SKIL: variants seen among roughly 807,000 people sequenced by gnomAD.
SKIL encodes the protein ski-like protein.
Under a neutral mutation model 69.6 loss-of-function variants are expected in SKIL, and 20 were observed. The observed-to-expected ratio is 0.29, with a 90% CI of 0.20 to 0.42. The LOEUF (loss-of-function observed/expected upper bound fraction) is 0.42, where lower values mean the gene tolerates loss of function less well. Among genes scored for constraint, SKIL ranks in the 10% least tolerant of loss-of-function variants. The pLI is 1.00. For synonymous variants in SKIL, 310 were observed against 279.9 expected, an observed-to-expected ratio of 1.11 and a Z score of -1.08; for missense variants, 745 against 783.1, an observed-to-expected ratio of 0.95 and a Z score of 0.58.
chr3:170,366,877 G>T (rs1262595589), intron 2 of SKIL, among the ~76,000 whole-genome samples: 1 of 151,820 alleles, frequency 6.6e-6, no homozygotes, highest in Non-Finnish European at 1.5e-5. Context: ...CATCTTCAGT[G>T]GATATTCAGC....
At chr3:170,364,537 G>A (rs1305294846) in intron 2 of SKIL, among the ~76,000 whole-genome samples, 3 of 150,736 alleles carry the variant, frequency 2.0e-5, no homozygotes, top group African/African-American at 7.3e-5. Flanking sequence ...CTAGCCGGCT[G>A]GTCTTAACTC....
chr3:170,375,234 G>T (rs1158017167), intron 2 of SKIL, among the ~76,000 whole-genome samples: 1 of 152,172 alleles, frequency 6.6e-6, no homozygotes, highest in Non-Finnish European at 1.5e-5. Context: ...GACTCTTACT[G>T]GGTTGGTCAA....
rs1736156048 is a variant in SKIL, at chr3:170,360,254, A to G, written c.-78A>G. On this transcript the variant is annotated 5_prime_UTR_variant, in exon 2 of 7. Transcript: ENST00000259119. ...TTACGATAGGCATTTGTATCCATTC[A>G]TTACTTTCCTCTTTTCAAATAAGCA... 2 of 1,343,110 alleles carry G rather than the reference A, an allele frequency of 1.5e-6. No individual in the cohort carries two copies. The highest frequency in any genetic ancestry group is 2.9e-5 in the African/African-American group (2 of 68,686). 83.2% of individuals were successfully genotyped at this position (1,343,110 alleles called of 1,614,324 possible). A position where few individuals can be genotyped will look rare whatever the true frequency, so the allele number is the denominator to read the frequency against.
rs774310283 is a variant in SKIL, at chr3:170,391,206, A to T, written c.1842A>T (p.Lys614Asn). 5 of 1,613,206 alleles carry T rather than the reference A, an allele frequency of 3.1e-6. No homozygotes were observed. Among genetic ancestry groups the T allele is most frequent in the Non-Finnish European group, 4.2e-6 (5 of 1,179,344 alleles). Residue 614 changes from lysine to asparagine, a missense_variant, in exon 6 of 7, where the codon AAA (lysine) becomes AAT (asparagine). Lys to Asn is a moderately conservative substitution (Grantham distance 94, BLOSUM62 0). Coordinates refer to ENST00000259119, the MANE Select transcript of SKIL (RefSeq NM_005414.5). Reference sequence around the variant, plus strand: ...AATTGGAGCAGATAATGAAGCAAAAATGTACCTGTGACTCAAATTTAGAAA... The same window carrying T: ...AATTGGAGCAGATAATGAAGCAAAATTGTACCTGTGACTCAAATTTAGAAA... ...EKKLEQIMKQKCTCDSNLEKD... is the reference protein window; with the variant it reads ...EKKLEQIMKQNCTCDSNLEKD...
rs140631602 is a variant in SKIL at position 170,358,458 on chromosome 3, C to T, written c.-634+695C>T. 9.3e-3 allele frequency: 1,418 copies of T among 152,624 alleles called. 13 individuals are homozygous for T. Among genetic ancestry groups the T allele is most frequent in the Admixed American group, 0.016 (244 of 15,296 alleles). 9.5% of individuals were successfully genotyped at this position (152,624 alleles called of 1,614,324 possible). On this transcript the variant is annotated intron_variant, in intron 1 of 6. Transcript: ENST00000259119. Reference sequence around the variant, plus strand: ...CCGTGTCCCTTGTTCTCCCTCTCTCCGGGTTAGAGATAGGTGGGTGGCTTT... The same window carrying T: ...CCGTGTCCCTTGTTCTCCCTCTCTCTGGGTTAGAGATAGGTGGGTGGCTTT...
rs538055159 is a variant in SKIL at position 170,376,010 on chromosome 3, A to G, written c.1099-5234A>G. Reference sequence around the variant, plus strand: ...GTTTTTTAACAAATGATGTCTAGAAAAGAAATTCTCATTTAATTCAAGCTG... The same window carrying G: ...GTTTTTTAACAAATGATGTCTAGAAGAGAAATTCTCATTTAATTCAAGCTG... On this transcript the variant is annotated intron_variant, in intron 2 of 6. Transcript: ENST00000259119. 2.6e-5 allele frequency among the ~76,000 whole-genome samples: 4 copies of G among 151,874 alleles called. No homozygotes were observed. The South Asian group carries it at 8.3e-4, about 31-fold the overall frequency.
rs935870857 is a variant in SKIL at position 170,392,291 on chromosome 3, T to C, written c.1929T>C (p.Ala643=). The C allele has an allele frequency of 1.9e-6, 3 of 1,612,868 alleles. No individual in the cohort carries two copies. Among genetic ancestry groups the C allele is most frequent in the Non-Finnish European group, 1.7e-6 (2 of 1,179,308 alleles). Residue 643 remains alanine (A), a synonymous_variant, in exon 7 of 7, where the codon GCT becomes GCC. Coordinates refer to ENST00000259119, the MANE Select transcript of SKIL (RefSeq NM_005414.5). The stretch of plus-strand genomic sequence containing the variant: ...AACTGAGGCAGAGATTGGACCATGC[T>C]GAGGCCGATAGGCAAGAACTCCAAG... ...LAELRQRLDH[A]EADRQELQDE...
rs572246941 is a variant in SKIL at position 170,363,873 on chromosome 3, G to A, written c.1098+2444G>A. ...TTGGACTTGTCCCGTGCTGAAGTTT[G>A]TGCTCAGAGATTATATTTCAAAATG... is the stretch of plus-strand genomic sequence containing the variant. On this transcript the variant is annotated intron_variant, in intron 2 of 6. Coordinates refer to ENST00000259119, the MANE Select transcript of SKIL (RefSeq NM_005414.5). Among the ~76,000 whole-genome samples, 3 of 152,270 alleles carry A rather than the reference G, an allele frequency of 2.0e-5. No individual in the cohort carries two copies. The East Asian group carries it at 5.8e-4, about 29-fold the overall frequency.
chr3:170,392,977 C>T lies in SKIL; in HGVS notation c.*560C>T, dbSNP rs138824953. The T allele has an allele frequency of 1.3e-5, 2 of 152,044 alleles. No individual in the cohort carries two copies. Among genetic ancestry groups the T allele is most frequent in the East Asian group, 3.9e-4 (2 of 5,176 alleles). 9.4% of individuals were successfully genotyped at this position (152,044 alleles called of 1,614,324 possible). ...CAGTTCTCTTCTTTTTAATGTGTACCCTAGGAGGAATTTTACTGAGGTTAT... is the reference window on the plus strand; with the variant it reads ...CAGTTCTCTTCTTTTTAATGTGTACTCTAGGAGGAATTTTACTGAGGTTAT... On this transcript the variant is annotated 3_prime_UTR_variant, in exon 7 of 7. Coordinates refer to ENST00000259119, the MANE Select transcript of SKIL (RefSeq NM_005414.5).
chr3:170,364,989 A>T (rs1206482642), intron 2 of SKIL, among the ~76,000 whole-genome samples: 2 of 152,252 alleles, frequency 1.3e-5, no homozygotes, highest in African/African-American at 4.8e-5. Context: ...AGAAATTTAA[A>T]GGAATTTAAG....
chr3:170,371,761 G>T (rs929460731), intron 2 of SKIL, among the ~76,000 whole-genome samples: 1 of 152,166 alleles, frequency 6.6e-6, no homozygotes, highest in African/African-American at 2.4e-5. Flanking sequence ...TACATACAAT[G>T]GATGCCTTGG....
At chr3:170,374,578 AC>A (rs1431173197) in intron 2 of SKIL, among the ~76,000 whole-genome samples, 1 of 152,198 alleles carries the variant, frequency 6.6e-6, no homozygotes, top group Non-Finnish European at 1.5e-5. Flanking sequence ...TTACTGCTGA[AC>A]CATTTAATTA....
intron 6 of SKIL, among the ~76,000 whole-genome samples, chr3:170,391,520 CA>C (rs1737918441): frequency 6.6e-6 from 1 of 151,954 alleles, no homozygotes. Flanking sequence ...GGGGTTTCAC[CA>C]TGTTGGTCAG....
At position 170,390,492 on chromosome 3, in the gene SKIL, A is replaced by G. The variant is rs1380404651; in HGVS notation, c.1671+28A>G. 3 of 1,584,538 alleles carry G rather than the reference A, an allele frequency of 1.9e-6. No individual in the cohort carries two copies. The South Asian group carries it at 3.3e-5, about 18-fold the overall frequency. ...AAAATTGTTATCTAAATGATAGTCC[A>G]TTATGAAAAGATACTTTTGTATATT... On this transcript the variant is annotated intron_variant, in intron 5 of 6. Coordinates refer to ENST00000259119, the MANE Select transcript of SKIL (RefSeq NM_005414.5).
At position 170,396,014 on chromosome 3, in the gene SKIL, T is replaced by TG. The variant is rs1390713363; in HGVS notation, c.*3597_*3598insG. 6.6e-6 allele frequency: 1 copy of TG among 151,480 alleles called. No homozygotes were observed. The highest frequency in any genetic ancestry group is 1.5e-5 in the Non-Finnish European group (1 of 67,758). 9.4% of individuals were successfully genotyped at this position (151,480 alleles called of 1,614,324 possible). On this transcript the variant is annotated 3_prime_UTR_variant, in exon 7 of 7. Coordinates refer to ENST00000259119, the MANE Select transcript of SKIL (RefSeq NM_005414.5). Reference sequence around the variant, plus strand: ...TGCATTTCATTTAAAAGGACAGTTTTTTTTTTTTTTTTGTAAATCCATTCA... The same window carrying TG: ...TGCATTTCATTTAAAAGGACAGTTTTGTTTTTTTTTTTTGTAAATCCATTCA...
chr3:170,377,824 G>T (rs1737109763), intron 2 of SKIL, among the ~76,000 whole-genome samples: 2 of 151,594 alleles, frequency 1.3e-5, no homozygotes, highest in Admixed American at 1.3e-4. Flanking sequence ...AAAGTGCTGG[G>T]ATTACAGGTG....
intron 2 of SKIL, among the ~76,000 whole-genome samples, chr3:170,380,188 CTA>C (rs200144140): frequency 0.01 from 1,525 of 152,064 alleles, 29 homozygotes; most frequent in African/African-American, 0.035. Flanking sequence ...TGTTAGCAAA[CTA>C]TGTGGTTTTG....
At chr3:170,358,814 T>G (rs375092255) in intron 1 of SKIL, among the ~76,000 whole-genome samples, 27 of 152,354 alleles carry the variant, frequency 1.8e-4, no homozygotes, top group East Asian at 1.5e-3. Flanking sequence ...TTAGTCTTGT[T>G]GAAGGATGGA....
chr3:170,387,827 G>A (rs1282353668), intron 4 of SKIL, among the ~76,000 whole-genome samples: 7 of 141,310 alleles, frequency 5.0e-5, no homozygotes, highest in Non-Finnish European at 3.1e-5. Context: ...CCAGCTACTT[G>A]GGAGGCTGAG....
Sources: allele counts gnomAD v4.1 joint callset (sites outside exome capture counted in the v4.1 genomes callset), GRCh38; gene constraint gnomAD v4.1.1; transcripts MANE v1.5; gene names NCBI Gene and HGNC (gene_info 2026-07-23, HGNC 2026-07-21).